Variants in DIS3L2 observed in about 807,000 individuals in gnomAD.
The protein encoded by DIS3L2 is DIS3 like 3'-5' exoribonuclease 2.
DIS3L2 carries 34 observed loss-of-function variants against 97.5 expected under a neutral mutation model. The observed-to-expected ratio is 0.35, with a 90% confidence interval of 0.27 to 0.46. DIS3L2 has a LOEUF of 0.46. Among genes scored for constraint, DIS3L2 ranks in the 20% least tolerant of loss-of-function variants. The probability of loss-of-function intolerance (pLI) is 1.00; values close to 1 mark genes in which losing one functional copy is unlikely to be tolerated. For missense variants in DIS3L2, 1,038 were observed against 1,146.0 expected (o/e 0.91, Z 1.36); for synonymous variants, 435 against 445.2 (o/e 0.98, Z 0.29).
At chr2:232,104,510 A>G (rs7563155) in intron 6 of DIS3L2, among the ~76,000 whole-genome samples, 6 of 152,162 alleles carry the variant, frequency 3.9e-5, no homozygotes, top group Non-Finnish European at 7.3e-5. Flanking sequence ...TGCAACCACT[A>G]CCACTATTTC....
At chr2:232,144,395 T>A (rs1690157476) in intron 8 of DIS3L2, among the ~76,000 whole-genome samples, 1 of 152,144 alleles carries the variant, frequency 6.6e-6, no homozygotes, top group South Asian at 2.1e-4. Flanking sequence ...TTTTCCTAAT[T>A]ACTGATGAGG....
At chr2:232,100,714 T>G (rs942458188) in intron 6 of DIS3L2, among the ~76,000 whole-genome samples, 1 of 152,166 alleles carries the variant, frequency 6.6e-6, no homozygotes, top group Admixed American at 6.5e-5. Flanking sequence ...GATGTCTGTA[T>G]ATTTAATTCT....
downstream of DIS3L2, among the ~76,000 whole-genome samples, chr2:232,338,948 G>A (rs73995237): frequency 8.9e-3 from 1,354 of 152,354 alleles, 5 homozygotes; most frequent in African/African-American, 0.031. Flanking sequence ...AGGAGACACC[G>A]TGGGGGAGGG....
chr2:232,159,460 T>G (rs1362270279), intron 8 of DIS3L2, among the ~76,000 whole-genome samples: 1 of 152,180 alleles, frequency 6.6e-6, no homozygotes, highest in African/African-American at 2.4e-5. Context: ...CACAGTGTAC[T>G]GGATTTTGGT....
chr2:232,282,095 C>T (rs1344327362), intron 13 of DIS3L2, among the ~76,000 whole-genome samples: 1 of 150,018 alleles, frequency 6.7e-6, no homozygotes, highest in African/African-American at 2.5e-5. Flanking sequence ...ACCCTCCCTC[C>T]TCACCTCCTA....
intron 9 of DIS3L2, among the ~76,000 whole-genome samples, chr2:232,175,838 A>C (rs1457055332): frequency 6.6e-6 from 1 of 151,780 alleles, no homozygotes; most frequent in Admixed American, 6.6e-5. Context: ...TTTCTTATAG[A>C]TCTATTGAAC....
At chr2:232,190,070 G>A (rs964886544) in intron 9 of DIS3L2, among the ~76,000 whole-genome samples, 1 of 152,182 alleles carries the variant, frequency 6.6e-6, no homozygotes. Context: ...CTCAACGCCT[G>A]TAATCTCAAA....
intron 5 of DIS3L2, among the ~76,000 whole-genome samples, chr2:232,049,228 A>T (rs1354126351): frequency 6.6e-6 from 1 of 152,166 alleles, no homozygotes; most frequent in African/African-American, 2.4e-5. Context: ...CTTTAAATAT[A>T]TGACTTTTTA....
chr2:232,066,928 C>T (rs777092541), intron 5 of DIS3L2, among the ~76,000 whole-genome samples: 2 of 151,984 alleles, frequency 1.3e-5, no homozygotes, highest in Non-Finnish European at 2.9e-5. Context: ...TAAAGCTGTT[C>T]ATAATATTCT....
chr2:232,073,125 T>C (rs1029422314), intron 5 of DIS3L2, among the ~76,000 whole-genome samples: 2 of 152,200 alleles, frequency 1.3e-5, no homozygotes, highest in Admixed American at 6.5e-5. Context: ...TGTGGAAATA[T>C]CAGTTGCTTT....
At chr2:232,109,462 T>TA (rs200865559) in intron 6 of DIS3L2, among the ~76,000 whole-genome samples, 1,731 of 149,920 alleles carry the variant, frequency 0.012, 17 homozygotes, top group Non-Finnish European at 0.017. Context: ...AATAAATAAA[T>TA]AAAAAAAAAT....
At chr2:232,304,431 A>G (rs1367480303) in intron 14 of DIS3L2, among the ~76,000 whole-genome samples, 2 of 152,200 alleles carry the variant, frequency 1.3e-5, no homozygotes, top group African/African-American at 2.4e-5. Context: ...ATAAGGAGCA[A>G]AGCGCACTCC....
At chr2:232,058,220 A>T (rs1268693373) in intron 5 of DIS3L2, among the ~76,000 whole-genome samples, 1 of 152,098 alleles carries the variant, frequency 6.6e-6, no homozygotes, top group East Asian at 1.9e-4. Context: ...GAAGCTGGAG[A>T]TGTAATGATT....
intron 9 of DIS3L2, among the ~76,000 whole-genome samples, chr2:232,167,206 A>AAATTACCACT (rs1007579659): frequency 6.6e-6 from 1 of 152,194 alleles, no homozygotes; most frequent in Non-Finnish European, 1.5e-5. Context: ...GTAATATAGT[A>AAATTACCACT]AATTACCACT....
intron 5 of DIS3L2, among the ~76,000 whole-genome samples, chr2:232,082,477 T>C (rs1026935154): frequency 1.3e-5 from 2 of 152,154 alleles, no homozygotes; most frequent in African/African-American, 4.8e-5. Context: ...GCATGAACTC[T>C]ACTATGAACT....
At chr2:232,261,585 A>G (rs1693713315) in intron 12 of DIS3L2, among the ~76,000 whole-genome samples, 2 of 152,340 alleles carry the variant, frequency 1.3e-5, no homozygotes, top group South Asian at 4.1e-4. Flanking sequence ...TGGGAGTAAG[A>G]AGAGCTAGAG....
chr2:232,091,813 T>A (rs1464446020), intron 6 of DIS3L2, among the ~76,000 whole-genome samples: 2 of 152,208 alleles, frequency 1.3e-5, no homozygotes, highest in African/African-American at 4.8e-5. Context: ...CAACATTTGT[T>A]ATTGCCTATC....
At chr2:232,005,413 C>A (rs563854670) in intron 1 of DIS3L2, among the ~76,000 whole-genome samples, 5 of 152,146 alleles carry the variant, frequency 3.3e-5, no homozygotes, top group Admixed American at 2.6e-4. Flanking sequence ...CTTCAGCTCT[C>A]TCCTCTTTTA....
At position 232,276,303 on chromosome 2, in the gene DIS3L2, G is replaced by A. The variant is rs185835556; in HGVS notation, c.1659+12863G>A. 2.7e-4 allele frequency among the ~76,000 whole-genome samples: 41 copies of A among 152,340 alleles called. No individual in the cohort carries two copies. The highest frequency in any genetic ancestry group is 9.4e-4 in the African/African-American group (39 of 41,578). ...GATTTGCTACTGTCAGTTTCGACCCGTAAATAACAGGGCGCTCTCCCCTTT... is the reference window on the plus strand; with the variant it reads ...GATTTGCTACTGTCAGTTTCGACCCATAAATAACAGGGCGCTCTCCCCTTT... On this transcript the variant is annotated intron_variant, in intron 13 of 20. Coordinates refer to ENST00000325385, the MANE Select transcript of DIS3L2 (RefSeq NM_152383.5). The surrounding 1 kb of genome is among the most constrained non-coding windows in gnomAD (Gnocchi z 4.4).
Sources: gnomAD v4.1 joint callset for allele counts (sites outside exome capture counted in the v4.1 genomes callset) on GRCh38, gnomAD v4.1.1 for gene constraint, Gnocchi (gnomAD v3.1) non-coding constraint, MANE v1.5 for transcripts, NCBI Gene and HGNC (gene_info 2026-07-23, HGNC 2026-07-21) for gene names.